Variants in PSMF1 observed in about 807,000 individuals in gnomAD.
PSMF1 encodes the protein proteasome inhibitor PI31 subunit.
Under a neutral mutation model 29.3 loss-of-function variants are expected in PSMF1, and 30 were observed. The observed-to-expected ratio is 1.02, with a 90% CI of 0.77 to 1.39. The LOEUF is 1.39. Ranked by LOEUF, PSMF1 falls within the 40% of genes most tolerant of loss-of-function variation. The pLI is 0.00. For missense variants in PSMF1, 344 were observed against 357.5 expected (o/e 0.96, Z 0.31); for synonymous variants, 134 against 139.7 (o/e 0.96, Z 0.29).
In PSMF1 at chr20:1,164,538, A is replaced by T; in HGVS notation, c.764+62A>T. 1 of 1,590,404 alleles carries T rather than the reference A, an allele frequency of 6.3e-7. No homozygotes were observed. Among genetic ancestry groups the T allele is most frequent in the Non-Finnish European group, 8.6e-7 (1 of 1,161,746 alleles). On this transcript the variant is annotated intron_variant, in intron 6 of 6. Transcript: ENST00000335877. This position sits in a 1 kb window ranked among gnomAD's most constrained non-coding sequence, Gnocchi z 4.1. ...TGATGGCAGCTTGGTTCAGTGTGGCAGCAATGAAGGTTTCTAGCCCCAGGC... is the reference window on the plus strand; with the variant it reads ...TGATGGCAGCTTGGTTCAGTGTGGCTGCAATGAAGGTTTCTAGCCCCAGGC...
chr20:1,126,560 A>G (rs185776054), intron 2 of PSMF1, among the ~76,000 whole-genome samples: 1 of 152,236 alleles, frequency 6.6e-6, no homozygotes, highest in Admixed American at 6.5e-5. Context: ...GGGTTAGTTT[A>G]AGCAAAAAGG....
chr20:1,139,162 G>A (rs1346814820), intron 4 of PSMF1, among the ~76,000 whole-genome samples: 1 of 152,166 alleles, frequency 6.6e-6, no homozygotes, highest in African/African-American at 2.4e-5. Context: ...AACAGAGCGA[G>A]ACTGTGTCAG....
chr20:1,119,322 A>G (rs1453764650), intron 1 of PSMF1, among the ~76,000 whole-genome samples: 2 of 152,106 alleles, frequency 1.3e-5, no homozygotes, highest in African/African-American at 2.4e-5. Flanking sequence ...CCCTCATACC[A>G]CAGTAGAGCC....
intron 1 of PSMF1, among the ~76,000 whole-genome samples, chr20:1,122,015 T>A (rs545062983): frequency 2.6e-5 from 4 of 152,366 alleles, no homozygotes; most frequent in African/African-American, 9.6e-5. Flanking sequence ...ATGATCTGTT[T>A]AAGTTTCTTT....
At chr20:1,157,307 A>G (rs759412711) in intron 4 of PSMF1, among the ~76,000 whole-genome samples, 3 of 152,114 alleles carry the variant, frequency 2.0e-5, no homozygotes, top group African/African-American at 7.2e-5. Flanking sequence ...CTTCAATCCA[A>G]TCAAGTTGGC....
At chr20:1,160,590 G>GA (rs751158634) in intron 4 of PSMF1, 3 of 487,432 alleles carry the variant, frequency 6.2e-6, no homozygotes, top group Non-Finnish European at 8.4e-6. Flanking sequence ...CACAATGGAA[G>GA]AAGAGATCAC....
rs75386974 is a variant in PSMF1, at chr20:1,163,834, A to T, written c.606-484A>T. Among the ~76,000 whole-genome samples, 11,989 of 152,298 alleles carry T rather than the reference A, an allele frequency of 0.079. 554 individuals carry two copies. Among genetic ancestry groups the T allele is most frequent in the South Asian group, 0.13 (615 of 4,822 alleles). On this transcript the variant is annotated intron_variant, in intron 5 of 6. Coordinates refer to ENST00000335877, the MANE Select transcript of PSMF1 (RefSeq NM_006814.5). This position sits in a 1 kb window ranked among gnomAD's most constrained non-coding sequence, Gnocchi z 6.1. The stretch of plus-strand genomic sequence containing the variant: ...ATGCTGTCAGGAGCCACACTTAGGC[A>T]ATCTACAGGCAGTCAGAAATTGCCC...
Position 1,163,255 on chromosome 20 carries a change from A to C in PSMF1, c.605+72A>C. On this transcript the variant is annotated intron_variant, in intron 5 of 6. Transcript: ENST00000335877. The surrounding 1 kb of genome is among the most constrained non-coding windows in gnomAD (Gnocchi z 6.1). ...CTTTTCAGCCCCAGCTCATCTTCTA[A>C]TTTTAGAGTTTTCGGTCAGTCTCTT... 6.5e-7 allele frequency: 1 copy of C among 1,536,424 alleles called. No individual in the cohort carries two copies. The highest frequency in any genetic ancestry group is 1.1e-5 in the South Asian group (1 of 88,230).
chr20:1,165,998 C>A lies in PSMF1; in HGVS notation c.*918C>A. 1 of 1,417,854 alleles carries A rather than the reference C, an allele frequency of 7.1e-7. No individual in the cohort carries two copies. The highest frequency in any genetic ancestry group is 9.2e-7 in the Non-Finnish European group (1 of 1,086,898). 87.8% of individuals were successfully genotyped at this position (1,417,854 alleles called of 1,614,324 possible). A position where few individuals can be genotyped will look rare whatever the true frequency, so the allele number is the denominator to read the frequency against. Reference sequence around the variant, plus strand: ...TGATGTCTCATTCTGTGTTTGGTAACCCCTATAAACTGGGGCAGAGGAAAA... The same window carrying A: ...TGATGTCTCATTCTGTGTTTGGTAAACCCTATAAACTGGGGCAGAGGAAAA... On this transcript the variant is annotated 3_prime_UTR_variant, in exon 7 of 7. Transcript: ENST00000335877.
upstream of PSMF1, among the ~76,000 whole-genome samples, chr20:1,115,777 G>A (rs1391806884): frequency 4.8e-5 from 7 of 146,534 alleles, no homozygotes; most frequent in Non-Finnish European, 8.9e-5. Flanking sequence ...TTATCACCCA[G>A]GCTAGAGTGC....
chr20:1,116,465 T>C (rs2086012717), upstream of PSMF1, among the ~76,000 whole-genome samples: 2 of 152,186 alleles, frequency 1.3e-5, no homozygotes, highest in Non-Finnish European at 2.9e-5. Context: ...AAGAATCTGG[T>C]TGTCTCAAGG....
At chr20:1,125,194 C>T (rs1182044289) in intron 1 of PSMF1, among the ~76,000 whole-genome samples, 2 of 152,176 alleles carry the variant, frequency 1.3e-5, no homozygotes, top group Non-Finnish European at 2.9e-5. Flanking sequence ...AGATGACTGG[C>T]TTTATTCTTA....
In PSMF1 at chr20:1,135,137, G is replaced by T. The variant is rs1568469894; in HGVS notation, c.382G>T (p.Glu128Ter). Residue 128 changes from glutamate (E) to a stop codon, truncating the protein, a stop_gained, in exon 4 of 7, where the codon GAG (glutamate) becomes TAG (stop). Coordinates refer to ENST00000335877, the MANE Select transcript of PSMF1 (RefSeq NM_006814.5). LOFTEE classifies it high-confidence loss of function. Reference protein sequence around the residue: ...GDFHRTYKNSEELRSRIVSGI... With the variant: ...GDFHRTYKNS ...TTCCTGCAGGACCTACAAGAACAGT[G>T]AGGAGCTTCGGTCTCGTATTGTGTC... 1 of 1,614,158 alleles carries T rather than the reference G, an allele frequency of 6.2e-7. No individual in the cohort carries two copies. The highest frequency in any genetic ancestry group is 8.5e-7 in the Non-Finnish European group (1 of 1,180,020).
At chr20:1,133,186 C>T (rs920902481) in intron 3 of PSMF1, among the ~76,000 whole-genome samples, 2 of 151,276 alleles carry the variant, frequency 1.3e-5, no homozygotes, top group Admixed American at 6.6e-5. Context: ...AGCATTCAGT[C>T]TTTCACAGTA....
chr20:1,130,515 G>A (rs1328082395), intron 3 of PSMF1, among the ~76,000 whole-genome samples: 1 of 152,164 alleles, frequency 6.6e-6, no homozygotes, highest in Non-Finnish European at 1.5e-5. Flanking sequence ...TGTCTAAAGT[G>A]CTCTCCCTGA....
Position 1,118,653 on chromosome 20 carries a change from T to A in PSMF1, c.-121T>A. The A allele has an allele frequency of 7.8e-7, 1 of 1,276,200 alleles. No homozygotes were observed. Among genetic ancestry groups the A allele is most frequent in the Non-Finnish European group, 1.1e-6 (1 of 947,088 alleles). 79.1% of individuals were successfully genotyped at this position (1,276,200 alleles called of 1,614,324 possible). A position where few individuals can be genotyped will look rare whatever the true frequency, so the allele number is the denominator to read the frequency against. On this transcript the variant is annotated 5_prime_UTR_variant, in exon 1 of 7. Coordinates refer to ENST00000335877, the MANE Select transcript of PSMF1 (RefSeq NM_006814.5). ...GGCGTCTCCATTTTGGTCTCAGGTG[T>A]GGACTCGGCAAGAACCAGCGCAAGA... is the stretch of plus-strand genomic sequence containing the variant.
At chr20:1,144,932 G>A (rs1163748386) in intron 4 of PSMF1, among the ~76,000 whole-genome samples, 1 of 152,020 alleles carries the variant, frequency 6.6e-6, no homozygotes, top group South Asian at 2.1e-4. Context: ...GTCACCCAGT[G>A]TGGAGTGCAG....
In PSMF1 at chr20:1,135,124, C is replaced by T; in HGVS notation, c.369C>T (p.Thr123=). The T allele has an allele frequency of 1.2e-6, 2 of 1,614,162 alleles. No individual in the cohort carries two copies. The highest frequency in any genetic ancestry group is 1.7e-6 in the Non-Finnish European group (2 of 1,180,010). The change falls in exon 4 of 7, where the codon ACC becomes ACT. Residue 123 remains threonine, a synonymous_variant. Transcript: ENST00000335877. ...DAEHLGDFHR[T]YKNSEELRSR... ...ACTCTTCATCTGCTTCCTGCAGGACCTACAAGAACAGTGAGGAGCTTCGGT... is the reference window on the plus strand; with the variant it reads ...ACTCTTCATCTGCTTCCTGCAGGACTTACAAGAACAGTGAGGAGCTTCGGT...
chr20:1,129,234 A>C (rs1483707489), intron 3 of PSMF1, among the ~76,000 whole-genome samples: 1 of 151,844 alleles, frequency 6.6e-6, no homozygotes, highest in Non-Finnish European at 1.5e-5. Context: ...CTGGTGTCGA[A>C]CTCCTGACCT....
Sources: gnomAD v4.1 joint callset for allele counts (sites outside exome capture counted in the v4.1 genomes callset) on GRCh38, gnomAD v4.1.1 for gene constraint, Gnocchi (gnomAD v3.1) non-coding constraint, MANE v1.5 for transcripts, NCBI Gene and HGNC (gene_info 2026-07-23, HGNC 2026-07-21) for gene names.